POLM: variants seen among roughly 807,000 people sequenced by gnomAD.
POLM encodes the protein DNA-directed DNA/RNA polymerase mu.
In POLM, 52 loss-of-function variants were observed where a neutral mutation model predicts 56.7. The ratio of observed to expected loss-of-function variants is 0.92; its 90% CI spans 0.73 to 1.15. The LOEUF is 1.15. Among genes scored for constraint, POLM ranks in the 50% most tolerant of loss-of-function variants. The probability of loss-of-function intolerance (pLI) is 0.00; values close to 1 mark genes in which losing one functional copy is unlikely to be tolerated. For synonymous variants in POLM, 273 were observed against 274.3 expected, an observed-to-expected ratio of 1.00 and a Z score of 0.05; for missense variants, 660 against 663.6, an observed-to-expected ratio of 0.99 and a Z score of 0.06.
rs1199230413 is a variant in POLM at position 44,078,551 on chromosome 7, T to C, written c.714+189A>G. The C allele has an allele frequency of 5.1e-6, 3 of 585,230 alleles. No homozygotes were observed. In the Admixed American group the frequency reaches 9.2e-5, roughly 18 times the overall value. The allele number at this position is 585,230 out of a possible 1,614,324, so 36.3% of individuals were successfully genotyped here. A position where few individuals can be genotyped will look rare whatever the true frequency, so the allele number is the denominator to read the frequency against. On this transcript the variant is annotated intron_variant, in intron 5 of 10. Coordinates refer to ENST00000242248, the MANE Select transcript of POLM (RefSeq NM_013284.4). ...CTGTCCTCAAAACAAGCTTCTTCCTTGCCTGTCTCCACTTGGCTGCCTTGT... is the reference window on the plus strand; with the variant it reads ...CTGTCCTCAAAACAAGCTTCTTCCTCGCCTGTCTCCACTTGGCTGCCTTGT...
chr7:44,073,258 T>A lies in POLM; in HGVS notation c.*33A>T, dbSNP rs748381687. On this transcript the variant is annotated 3_prime_UTR_variant, in exon 11 of 11. Coordinates refer to ENST00000242248, the MANE Select transcript of POLM (RefSeq NM_013284.4). ...AGTGGCCAGGTTGGGGGCAGCCCAA[T>A]TTCCTGAGTGGAAGTGGGGGACACA... 1 of 1,614,182 alleles carries A rather than the reference T, an allele frequency of 6.2e-7. No individual in the cohort carries two copies. Among genetic ancestry groups the A allele is most frequent in the Admixed American group, 1.7e-5 (1 of 60,030 alleles).
At position 44,073,005 on chromosome 7, in the gene POLM, C is replaced by G. The variant is rs1394515428; in HGVS notation, c.*286G>C. On this transcript the variant is annotated 3_prime_UTR_variant, in exon 11 of 11. Coordinates refer to ENST00000242248, the MANE Select transcript of POLM (RefSeq NM_013284.4). ...ACAGCTCCACGATGTGGGCCCCACT[C>G]ACATCCCATCCAGGGCAGGAACGTG... 6 of 1,124,104 alleles carry G rather than the reference C, an allele frequency of 5.3e-6. No homozygotes were observed. Among genetic ancestry groups the G allele is most frequent in the Non-Finnish European group, 1.2e-6 (1 of 823,500 alleles). The allele number at this position is 1,124,104 out of a possible 1,614,324, so 69.6% of individuals were successfully genotyped here.
rs774514038 is a variant in POLM, at chr7:44,080,912, C to G, written c.193G>C (p.Glu65Gln). 2.6e-6 allele frequency: 4 copies of G among 1,562,864 alleles called. No homozygotes were observed. The African/African-American group carries it at 5.4e-5, about 21-fold the overall frequency. The change falls in exon 2 of 11, where the codon GAA becomes CAA. Residue 65 changes from glutamate (E) to glutamine (Q), a missense_variant. Glu to Gln is a conservative substitution (Grantham distance 29, BLOSUM62 2). Coordinates refer to ENST00000242248, the MANE Select transcript of POLM (RefSeq NM_013284.4). ...GFRVLDACSS[E>Q]ATHVVMEETS... ...TCTTCCATCACAACATGTGTCGCTT[C>G]GGAGCTGGTGGAGGGAGTTGGGAGA... is the stretch of plus-strand genomic sequence containing the variant.
rs1270690543 is a variant in POLM at position 44,073,697 on chromosome 7, C to CG, written c.1325_1326insC (p.Glu443GlyfsTer21). 2 of 1,614,088 alleles carry CG rather than the reference C, an allele frequency of 1.2e-6. No homozygotes were observed. Among genetic ancestry groups the CG allele is most frequent in the Admixed American group, 3.3e-5 (2 of 60,014 alleles). ...CCTTCCGGCTGAAGCGGCGCAGCTC[C>CG]CGCTGGAAAAGCTGTAGGGAAGGGA... On this transcript the variant is annotated frameshift_variant, in exon 10 of 11. Transcript: ENST00000242248. LOFTEE classifies it high-confidence loss of function.
rs1396183232 is a variant in POLM, at chr7:44,073,043, G to T, written c.*248C>A. ...GGGCAGGAACGTGAGCCATGGGGAGGCTAAGAGCAGACCCAGGGTCACACA... is the reference window on the plus strand; with the variant it reads ...GGGCAGGAACGTGAGCCATGGGGAGTCTAAGAGCAGACCCAGGGTCACACA... On this transcript the variant is annotated 3_prime_UTR_variant, in exon 11 of 11. Transcript: ENST00000242248. 2.9e-6 allele frequency: 4 copies of T among 1,384,382 alleles called. No homozygotes were observed. The highest frequency in any genetic ancestry group is 1.5e-5 in the African/African-American group (1 of 68,558). 85.8% of individuals were successfully genotyped at this position (1,384,382 alleles called of 1,614,324 possible). A position where few individuals can be genotyped will look rare whatever the true frequency, so the allele number is the denominator to read the frequency against.
Position 44,079,598 on chromosome 7 carries a change from A to T in POLM, c.615T>A (p.Phe205Leu). 6.5e-7 allele frequency: 1 copy of T among 1,538,308 alleles called. No homozygotes were observed. The highest frequency in any genetic ancestry group is 8.8e-7 in the Non-Finnish European group (1 of 1,133,912). ...TLSQLQGLPH[F>L]GEHSSRVVQE... ...GGACAACCCTAGAGGAGTGTTCTCC[A>T]AAGTGGGGAAGCCCCTGCAGCTGGC... The change falls in exon 4 of 11, where the codon TTT becomes TTA. Residue 205 changes from phenylalanine to leucine, a missense_variant. Physicochemically the swap from Phe to Leu is conservative, Grantham distance 22. Coordinates refer to ENST00000242248, the MANE Select transcript of POLM (RefSeq NM_013284.4).
At chr7:44,074,357 G>A (rs1424389441) in intron 7 of POLM, 41 bp downstream of exon 7, 2 of 1,550,276 alleles carry the variant, frequency 1.3e-6, no homozygotes, top group Non-Finnish European at 1.7e-6. Flanking sequence ...ACTGGGGAGG[G>A]GTCTGAAGCC....
At chr7:44,081,744 C>CTT (rs1183469734) in intron 1 of POLM, among the ~76,000 whole-genome samples, 18,705 of 125,114 alleles carry the variant, frequency 0.15, 1,834 homozygotes, top group African/African-American at 0.19. Flanking sequence ...GCAAATACGA[C>CTT]TTTTTTTTTT....
chr7:44,079,535 C>A, intron 4 of POLM, 36 bp downstream of exon 4: 1 of 1,419,200 alleles, frequency 7.0e-7, no homozygotes, highest in Non-Finnish European at 9.9e-7. Context: ...GCCTCCCCAC[C>A]CACCCACTCA....
At position 44,073,186 on chromosome 7, in the gene POLM, G is replaced by A; in HGVS notation, c.*105C>T. On this transcript the variant is annotated 3_prime_UTR_variant, in exon 11 of 11. Coordinates refer to ENST00000242248, the MANE Select transcript of POLM (RefSeq NM_013284.4). ...GGAAGAGCCAGGCCTTGGCGGGGAG[G>A]GGTGAAGGTGGGGGTCAGGGGGCAG... is the stretch of plus-strand genomic sequence containing the variant. The A allele has an allele frequency of 1.3e-6, 2 of 1,589,954 alleles. No homozygotes were observed. Among genetic ancestry groups the A allele is most frequent in the African/African-American group, 1.3e-5 (1 of 74,500 alleles).
rs1359622888 is a variant in POLM at position 44,074,543 on chromosome 7, C to T, written c.836-13G>A. On this transcript the variant is annotated splice_polypyrimidine_tract_variant and intron_variant, in intron 6 of 10. Transcript: ENST00000242248. The stretch of plus-strand genomic sequence containing the variant: ...TGGTGCTGGAGCCCTGGGGGCAACA[C>T]CGGCCCTCCTGACTCACCCAGCCTG... The T allele has an allele frequency of 1.9e-6, 3 of 1,544,454 alleles. No homozygotes were observed. Among genetic ancestry groups the T allele is most frequent in the Non-Finnish European group, 2.6e-6 (3 of 1,142,168 alleles).
chr7:44,079,542 C>T (rs1312052465), intron 4 of POLM, 29 bp downstream of exon 4: 1 of 1,546,002 alleles, frequency 6.5e-7, no homozygotes, highest in Non-Finnish European at 8.9e-7. Context: ...CACCCACCCA[C>T]TCACCCTGCT....
At chr7:44,081,070 TC>T (rs1357053824) in intron 1 of POLM, among the ~76,000 whole-genome samples, 154 bp from the exon 2 acceptor site, 2 of 152,172 alleles carry the variant, frequency 1.3e-5, no homozygotes, top group Non-Finnish European at 2.9e-5. Context: ...CAGCCCCTCC[TC>T]CTGGTAGATG....
intron 4 of POLM, 35 bp downstream of exon 4, chr7:44,079,536 C>CCCCCCCA: frequency 1.4e-6 from 2 of 1,432,122 alleles, no homozygotes; most frequent in Non-Finnish European, 2.0e-6. Context: ...CCTCCCCACC[C>CCCCCCCA]ACCCACTCAC....
chr7:44,074,186 T>A lies in POLM; in HGVS notation c.1016A>T (p.Lys339Met). Residue 339 changes from lysine (K) to methionine (M), a missense_variant, in exon 8 of 11, where the codon AAG becomes ATG. Coordinates refer to ENST00000242248, the MANE Select transcript of POLM (RefSeq NM_013284.4). ...CAGCAGCCCCGCCTCCTGACCCTCC[T>A]TGGGGTGGGTGATGAGGAAGTCCAC... The part of the protein sequence containing the change: ...HDVDFLITHP[K>M]EGQEAGLLPR... 12 of 1,600,466 alleles carry A rather than the reference T, an allele frequency of 7.5e-6. No homozygotes were observed. Among genetic ancestry groups the A allele is most frequent in the Non-Finnish European group, 9.4e-6 (11 of 1,173,928 alleles).
chr7:44,073,580 C>T (rs763540890), intron 10 of POLM, 45 bp downstream of exon 10: 20 of 1,607,638 alleles, frequency 1.2e-5, no homozygotes, highest in Admixed American at 3.3e-5. Flanking sequence ...GGTCAGGGAG[C>T]GGACTATGGG....
In POLM at chr7:44,073,695, T is replaced by G; in HGVS notation, c.1328A>C (p.Glu443Ala). ...CTCCTTCCGGCTGAAGCGGCGCAGC[T>G]CCCGCTGGAAAAGCTGTAGGGAAGG... ...GWTGSKLFQRELRRFSRKEKG... is the reference protein window; with the variant it reads ...GWTGSKLFQRALRRFSRKEKG... The change falls in exon 10 of 11, where the codon GAG (glutamate) becomes GCG (alanine). Residue 443 changes from glutamate to alanine, a missense_variant. Physicochemically the swap from Glu to Ala is moderately radical, Grantham distance 107. Transcript: ENST00000242248. 1 of 1,614,114 alleles carries G rather than the reference T, an allele frequency of 6.2e-7. No individual in the cohort carries two copies. The highest frequency in any genetic ancestry group is 8.5e-7 in the Non-Finnish European group (1 of 1,179,998).
In POLM at chr7:44,074,546, G is replaced by T; in HGVS notation, c.836-16C>A. On this transcript the variant is annotated splice_polypyrimidine_tract_variant and intron_variant, in intron 6 of 10. Transcript: ENST00000242248. ...TGCTGGAGCCCTGGGGGCAACACCG[G>T]CCCTCCTGACTCACCCAGCCTGCCC... 2 of 1,540,276 alleles carry T rather than the reference G, an allele frequency of 1.3e-6. No homozygotes were observed. The highest frequency in any genetic ancestry group is 1.8e-6 in the Non-Finnish European group (2 of 1,140,014).
intron 6 of POLM, 129 bp from the exon 7 acceptor site, chr7:44,074,659 G>A (rs2096178969): frequency 9.7e-7 from 1 of 1,029,792 alleles, no homozygotes; most frequent in Admixed American, 3.2e-5. Context: ...TCCGAGGAAG[G>A]TGAGGCTAGG....
Sources: allele counts gnomAD v4.1 joint callset (sites outside exome capture counted in the v4.1 genomes callset), GRCh38; gene constraint gnomAD v4.1.1; transcripts MANE v1.5; gene names NCBI Gene and HGNC (gene_info 2026-07-23, HGNC 2026-07-21).